The following AP4E1 variants were observed in gnomAD, a reference collection of about 807,000 sequenced individuals.
The protein encoded by AP4E1 is adaptor related protein complex 4 subunit epsilon 1, also known as AP-4 complex subunit epsilon-1.
In AP4E1, 56 loss-of-function variants were observed where a neutral mutation model predicts 128.2. The ratio of observed to expected loss-of-function variants is 0.44; its 90% CI spans 0.35 to 0.55. The LOEUF (loss-of-function observed/expected upper bound fraction) is 0.55. Ranked by LOEUF, AP4E1 falls within the 20% of genes least tolerant of loss-of-function variation. The pLI is 0.00. For missense variants in AP4E1, 1,324 were observed against 1,307.7 expected (o/e 1.01, Z -0.19); for synonymous variants, 484 against 473.1 (o/e 1.02, Z -0.30).
intron 6 of AP4E1, among the ~76,000 whole-genome samples, chr15:50,929,592 G>A (rs1234313223): frequency 6.6e-6 from 1 of 151,900 alleles, no homozygotes; most frequent in African/African-American, 2.4e-5. Flanking sequence ...GAGGAAAGAG[G>A]GTTGAATGTT....
At chr15:50,956,620 G>A (rs1228801570) in intron 13 of AP4E1, among the ~76,000 whole-genome samples, 2 of 152,142 alleles carry the variant, frequency 1.3e-5, no homozygotes, top group Non-Finnish European at 2.9e-5. Context: ...AGTGAAAGGG[G>A]AAGCCCTTCA....
intron 13 of AP4E1, among the ~76,000 whole-genome samples, chr15:50,950,580 T>G (rs1042882220): frequency 6.6e-6 from 1 of 152,188 alleles, no homozygotes; most frequent in African/African-American, 2.4e-5. Context: ...GCTGAGTACT[T>G]ACATTATTAA....
rs1352278861 is a variant in AP4E1 at position 51,005,857 on chromosome 15, A to G, written c.*3195A>G. 1 of 152,520 alleles carries G rather than the reference A, an allele frequency of 6.6e-6. No individual in the cohort carries two copies. The highest frequency in any genetic ancestry group is 1.5e-5 in the Non-Finnish European group (1 of 68,024). The allele number at this position is 152,520 out of a possible 1,614,324, so 9.4% of individuals were successfully genotyped here. On this transcript the variant is annotated 3_prime_UTR_variant, in exon 21 of 21. Transcript: ENST00000261842. ...TTTTGGAGTTGAATTCTGTCATTTG[A>G]AAAAGTTCAGTAATGTAATAAATAC...
chr15:50,932,417 G>A lies in AP4E1; in HGVS notation c.869+1446G>A, dbSNP rs115474582. Among the ~76,000 whole-genome samples the A allele has an allele frequency of 5.2e-3, 788 of 152,254 alleles. 8 individuals are homozygous for A. The highest frequency in any genetic ancestry group is 0.018 in the African/African-American group (756 of 41,556). On this transcript the variant is annotated intron_variant, in intron 7 of 20. Transcript: ENST00000261842. ...ATTCTCATTCTCTGTGTGTGCATGT[G>A]TGTATGCATTTGCATGTGCACCTAC...
At chr15:50,915,341 C>T in intron 2 of AP4E1, 107 bp from the exon 3 acceptor site, 1 of 1,178,062 alleles carries the variant, frequency 8.5e-7, no homozygotes, top group Non-Finnish European at 1.2e-6. Flanking sequence ...TATGTTATTT[C>T]TTCAGCACCA....
chr15:50,965,188 T>C (rs2064375287), intron 14 of AP4E1, among the ~76,000 whole-genome samples: 1 of 152,218 alleles, frequency 6.6e-6, no homozygotes, highest in African/African-American at 2.4e-5. Context: ...CTCAAGTGTT[T>C]CTTTATAGCA....
At chr15:50,983,189 C>G (rs2064666311) in intron 15 of AP4E1, among the ~76,000 whole-genome samples, 1 of 152,162 alleles carries the variant, frequency 6.6e-6, no homozygotes. Flanking sequence ...CAAGTTTCAC[C>G]TTTCTTGCTG....
At chr15:50,978,076 T>G (rs2064583324) in intron 15 of AP4E1, among the ~76,000 whole-genome samples, 1 of 152,188 alleles carries the variant, frequency 6.6e-6, no homozygotes, top group African/African-American at 2.4e-5. Flanking sequence ...AATGTTACTT[T>G]AATAAGTGAT....
intron 7 of AP4E1, among the ~76,000 whole-genome samples, chr15:50,931,809 C>T (rs1462898979): frequency 6.6e-6 from 1 of 152,044 alleles, no homozygotes; most frequent in Admixed American, 6.6e-5. Context: ...CATACAAAAC[C>T]AGGCATTTGG....
chr15:50,978,006 C>T (rs2064582436), intron 15 of AP4E1, among the ~76,000 whole-genome samples: 1 of 152,068 alleles, frequency 6.6e-6, no homozygotes, highest in Non-Finnish European at 1.5e-5. Flanking sequence ...ACCATGCCAG[C>T]CTGTTCTGGT....
intron 14 of AP4E1, among the ~76,000 whole-genome samples, chr15:50,966,375 G>A (rs73408541): frequency 2.7e-4 from 41 of 152,146 alleles, no homozygotes; most frequent in Admixed American, 9.2e-4. Flanking sequence ...AAGGGCAGAG[G>A]CCTTGTTTTA....
intron 16 of AP4E1, among the ~76,000 whole-genome samples, chr15:50,988,515 A>T (rs942679871): frequency 1.3e-5 from 2 of 152,038 alleles, no homozygotes; most frequent in Non-Finnish European, 2.9e-5. Context: ...GGGTTTCACC[A>T]TGTTGGCCAG....
intron 1 of AP4E1, among the ~76,000 whole-genome samples, chr15:50,910,819 C>G (rs1434762411): frequency 2.0e-5 from 3 of 152,198 alleles, no homozygotes; most frequent in African/African-American, 7.2e-5. Context: ...CCATACCCGG[C>G]TAATTTTTAT....
rs566785573 is a variant in AP4E1, at chr15:50,952,438, A to T, written c.1548+2269A>T. Reference sequence around the variant, plus strand: ...GGCAGGAGAATCTCTTGAACTCAGGAGGCGGAGGTTGCAGTGAACCAAGAT... The same window carrying T: ...GGCAGGAGAATCTCTTGAACTCAGGTGGCGGAGGTTGCAGTGAACCAAGAT... On this transcript the variant is annotated intron_variant, in intron 13 of 20. Transcript: ENST00000261842. Among the ~76,000 whole-genome samples the T allele has an allele frequency of 8.6e-5, 13 of 150,682 alleles. No individual in the cohort carries two copies. The East Asian group carries it at 2.6e-3, about 30-fold the overall frequency.
chr15:50,989,759 T>G (rs560831448), intron 16 of AP4E1, among the ~76,000 whole-genome samples: 26 of 152,262 alleles, frequency 1.7e-4, no homozygotes, highest in Admixed American at 1.4e-3. Context: ...TGACAGGGCC[T>G]TGTAAATGCC....
In AP4E1 at chr15:50,908,712, C is replaced by A. The variant is rs889025322; in HGVS notation, c.-67C>A. On this transcript the variant is annotated 5_prime_UTR_variant, in exon 1 of 21. Transcript: ENST00000261842. ...CCTACGGAGGCCGGGCCGGCAGCGG[C>A]GGCCGGGCATGAAGCCGGGCGGCTA... The A allele has an allele frequency of 1.1e-5, 16 of 1,397,874 alleles. No individual in the cohort carries two copies. Among genetic ancestry groups the A allele is most frequent in the Middle Eastern group, 2.2e-4 (1 of 4,524 alleles). 86.6% of individuals were successfully genotyped at this position (1,397,874 alleles called of 1,614,324 possible).
At chr15:50,995,920 A>G (rs2140932201) in intron 17 of AP4E1, among the ~76,000 whole-genome samples, 1 of 150,718 alleles carries the variant, frequency 6.6e-6, no homozygotes, top group East Asian at 1.9e-4. Flanking sequence ...CCAAAAAAAG[A>G]AAAAAGGAAC....
At chr15:50,984,659 A>G (rs1364485818) in intron 16 of AP4E1, among the ~76,000 whole-genome samples, 1 of 152,084 alleles carries the variant, frequency 6.6e-6, no homozygotes, top group Non-Finnish European at 1.5e-5. Flanking sequence ...ATGGCTGCAT[A>G]GTATTCCATG....
chr15:50,907,538 C>T (rs2063500003), upstream of AP4E1, among the ~76,000 whole-genome samples: 3 of 152,014 alleles, frequency 2.0e-5, no homozygotes, highest in South Asian at 4.1e-4. Flanking sequence ...ACCTAACCTA[C>T]CTCCTAGAAA....
Sources: allele counts gnomAD v4.1 joint callset (sites outside exome capture counted in the v4.1 genomes callset), GRCh38; gene constraint gnomAD v4.1.1; transcripts MANE v1.5; gene names NCBI Gene and HGNC (gene_info 2026-07-23, HGNC 2026-07-21).